Variants in OR2L13 observed in about 807,000 individuals in gnomAD.
OR2L13 encodes olfactory receptor 2L13.
In OR2L13, 14 loss-of-function variants were observed where a neutral mutation model predicts 15.3. The ratio of observed to expected loss-of-function variants is 0.91; its 90% CI spans 0.60 to 1.43. The LOEUF (loss-of-function observed/expected upper bound fraction) is 1.43, where lower values mean the gene tolerates loss of function less well. Among genes scored for constraint, OR2L13 ranks in the 40% most tolerant of loss-of-function variants. The probability of loss-of-function intolerance (pLI) is 0.00; values close to 1 mark genes in which losing one functional copy is unlikely to be tolerated. For missense variants in OR2L13, 367 were observed against 387.9 expected (o/e 0.95, Z 0.45); for synonymous variants, 152 against 142.9 (o/e 1.06, Z -0.45).
At chr1:248,045,256 C>A in the OR2L13 span, among the ~76,000 whole-genome samples, 2 of 152,168 alleles carry the variant, frequency 1.3e-5, no homozygotes, top group Non-Finnish European at 2.9e-5. Flanking sequence ...GTTCCTCATT[C>A]TAATCTCTTC....
chr1:248,061,097 T>C, the OR2L13 span: 1 of 1,613,838 alleles, frequency 6.2e-7, no homozygotes, highest in Non-Finnish European at 8.5e-7. Context: ...AGCAAAAGAA[T>C]GTGTGTGCTG....
the OR2L13 span, among the ~76,000 whole-genome samples, chr1:248,060,390 T>TCA: frequency 4.6e-5 from 7 of 152,306 alleles, no homozygotes; most frequent in African/African-American, 1.4e-4. Flanking sequence ...TAAAACATTT[T>TCA]GAGAGAGAAA....
the OR2L13 span, among the ~76,000 whole-genome samples, chr1:248,071,532 CA>C: frequency 3.9e-5 from 6 of 151,938 alleles, no homozygotes; most frequent in Admixed American, 1.3e-4. Flanking sequence ...ACTGAATGGG[CA>C]AAAACTGGAA....
chr1:248,083,685 C>G, the OR2L13 span: 1 of 1,601,946 alleles, frequency 6.2e-7, no homozygotes, highest in Non-Finnish European at 8.6e-7. Context: ...TACACATGTC[C>G]CCAGCCACCG....
At chr1:248,098,847 A>C (rs900032671) in intron 2 of OR2L13, 72 bp downstream of exon 2, 3 of 152,710 alleles carry the variant, frequency 2.0e-5, no homozygotes, top group African/African-American at 7.2e-5. Context: ...GAAGAAAAAA[A>C]CAAACTGCCA....
the OR2L13 span, among the ~76,000 whole-genome samples, chr1:248,025,692 A>C: frequency 6.7e-6 from 1 of 149,282 alleles, no homozygotes; most frequent in Non-Finnish European, 1.5e-5. Flanking sequence ...AAGACTTGGA[A>C]CCAACCCAAA....
chr1:248,088,756 C>T, the OR2L13 span, among the ~76,000 whole-genome samples: 1 of 152,044 alleles, frequency 6.6e-6, no homozygotes, highest in Non-Finnish European at 1.5e-5. Context: ...GTTTGATTTG[C>T]CATTTACCAT....
chr1:248,028,299 C>T, the OR2L13 span, among the ~76,000 whole-genome samples: 1 of 152,050 alleles, frequency 6.6e-6, no homozygotes, highest in East Asian at 1.9e-4. Flanking sequence ...TGCTACCACT[C>T]CATGGGCAAT....
the OR2L13 span, chr1:247,975,516 A>C: frequency 9.6e-7 from 1 of 1,039,342 alleles, no homozygotes; most frequent in Non-Finnish European, 1.5e-6. Context: ...GATACCTGCA[A>C]TCTCCAACAG....
chr1:248,070,016 A>C, the OR2L13 span, among the ~76,000 whole-genome samples: 1 of 151,982 alleles, frequency 6.6e-6, no homozygotes, highest in Non-Finnish European at 1.5e-5. Flanking sequence ...ACTCCCACAC[A>C]ATAATAATGG....
At chr1:248,038,768 T>C in the OR2L13 span, 1 of 1,614,200 alleles carries the variant, frequency 6.2e-7, no homozygotes, top group Non-Finnish European at 8.5e-7. Context: ...GTATCCCATA[T>C]TGCAAGTCCA....
At chr1:248,068,121 TCTGA>T in the OR2L13 span, among the ~76,000 whole-genome samples, 1 of 152,156 alleles carries the variant, frequency 6.6e-6, no homozygotes, top group Non-Finnish European at 1.5e-5. Context: ...AATGTCCCTG[TCTGA>T]CAGCTTTGAA....
At chr1:247,968,349 AT>A in the OR2L13 span, among the ~76,000 whole-genome samples, 2 of 151,768 alleles carry the variant, frequency 1.3e-5, no homozygotes, top group African/African-American at 4.8e-5. Flanking sequence ...TTATTTATTT[AT>A]TTTTTTTAGT....
chr1:248,044,058 A>C, the OR2L13 span, among the ~76,000 whole-genome samples: 2 of 152,276 alleles, frequency 1.3e-5, no homozygotes, highest in East Asian at 3.9e-4. Context: ...TCAAAATACC[A>C]AACTTTCTAG....
the OR2L13 span, among the ~76,000 whole-genome samples, chr1:247,983,256 CAT>C: frequency 1.3e-5 from 2 of 152,140 alleles, no homozygotes; most frequent in South Asian, 4.1e-4. Context: ...CAAATCCTGA[CAT>C]ATTGCAAGTG....
chr1:248,084,470 T>G, the OR2L13 span: 1 of 1,611,938 alleles, frequency 6.2e-7, no homozygotes, highest in Non-Finnish European at 8.5e-7. Flanking sequence ...AGGAGAATCA[T>G]GAGGGAATTG....
At chr1:248,008,034 G>A in the OR2L13 span, among the ~76,000 whole-genome samples, 1 of 152,102 alleles carries the variant, frequency 6.6e-6, no homozygotes, top group Admixed American at 6.6e-5. Context: ...AGAAGAAAAG[G>A]TTACCTAAGC....
chr1:248,099,482 T>C lies in OR2L13; in HGVS notation c.107T>C (p.Leu36Pro). ...TGCCTTATCATCCTCATATTCTTTC[T>C]GGCCTCGGTGGGTAACTCGGCCATG... The change falls in exon 3 of 3, where the codon CTG (leucine) becomes CCG (proline). Residue 36 changes from leucine (L) to proline (P), a missense_variant. By Grantham distance (98) the Leu-to-Pro change is moderately conservative. Transcript: ENST00000641714. 3 of 1,614,034 alleles carry C rather than the reference T, an allele frequency of 1.9e-6. No individual in the cohort carries two copies. The highest frequency in any genetic ancestry group is 1.7e-5 in the Admixed American group (1 of 60,014).
chr1:247,967,451 ACTC>A, the OR2L13 span, among the ~76,000 whole-genome samples: 1 of 151,706 alleles, frequency 6.6e-6, no homozygotes, highest in Non-Finnish European at 1.5e-5. Context: ...CTGGTTTCGA[ACTC>A]CTGATCTCAA....
Sources: allele counts gnomAD v4.1 joint callset (sites outside exome capture counted in the v4.1 genomes callset), GRCh38; gene constraint gnomAD v4.1.1; transcripts MANE v1.5; gene names NCBI Gene and HGNC (gene_info 2026-07-23, HGNC 2026-07-21).